The following SUGCT variants were observed in gnomAD, a reference collection of about 807,000 sequenced individuals.
SUGCT encodes succinyl-CoA:glutarate CoA-transferase.
SUGCT carries 41 observed loss-of-function variants against 55.0 expected under a neutral mutation model. The observed-to-expected ratio is 0.74, with a 90% CI of 0.58 to 0.97. SUGCT has a LOEUF of 0.97. SUGCT is among the 50% of genes least tolerant of loss of function. The pLI is 0.00. For missense variants in SUGCT, 568 were observed against 547.8 expected, an observed-to-expected ratio of 1.04 and a Z score of -0.37; for synonymous variants, 187 against 200.4, an observed-to-expected ratio of 0.93 and a Z score of 0.56.
At chr7:40,588,156 C>T (rs945717963) in intron 12 of SUGCT, among the ~76,000 whole-genome samples, 6 of 152,044 alleles carry the variant, frequency 3.9e-5, no homozygotes, top group African/African-American at 1.4e-4. Context: ...CCCGCCTCGG[C>T]CTCCCAAAGT....
intron 9 of SUGCT, among the ~76,000 whole-genome samples, chr7:40,385,863 T>C (rs1448322852): frequency 1.3e-5 from 2 of 152,242 alleles, no homozygotes; most frequent in Non-Finnish European, 2.9e-5. Flanking sequence ...TGTGTCACTT[T>C]ATATAGCATT....
chr7:40,468,081 C>T (rs991487212), intron 11 of SUGCT, among the ~76,000 whole-genome samples: 1 of 151,324 alleles, frequency 6.6e-6, no homozygotes, highest in African/African-American at 2.4e-5. Flanking sequence ...GAACACTCCA[C>T]TTGAGTTATT....
chr7:40,675,634 GA>G (rs1221304493), intron 12 of SUGCT, among the ~76,000 whole-genome samples: 1 of 152,140 alleles, frequency 6.6e-6, no homozygotes, highest in African/African-American at 2.4e-5. Context: ...GGAGGTATGG[GA>G]GTTGGGCAAA....
intron 7 of SUGCT, among the ~76,000 whole-genome samples, chr7:40,262,378 C>T (rs890171930): frequency 6.0e-5 from 9 of 151,006 alleles, no homozygotes; most frequent in African/African-American, 9.7e-5. Context: ...CGGCTGGGCG[C>T]GGTGGCTCAT....
chr7:40,235,142 C>A (rs1788941486), intron 6 of SUGCT, among the ~76,000 whole-genome samples: 1 of 151,666 alleles, frequency 6.6e-6, no homozygotes, highest in African/African-American at 2.4e-5. Flanking sequence ...TAATTATAAT[C>A]TTGAATTATT....
At chr7:40,276,006 C>A (rs1792452337) in intron 8 of SUGCT, among the ~76,000 whole-genome samples, 1 of 152,152 alleles carries the variant, frequency 6.6e-6, no homozygotes. Flanking sequence ...TTGGGAATTT[C>A]AGATTTAAAA....
chr7:40,544,803 G>T, intron 12 of SUGCT, among the ~76,000 whole-genome samples: 1 of 152,184 alleles, frequency 6.6e-6, no homozygotes, highest in East Asian at 1.9e-4. Context: ...GCTGCAGAGT[G>T]CTCAGACAAA....
intron 6 of SUGCT, among the ~76,000 whole-genome samples, chr7:40,202,243 G>A (rs376755968): frequency 2.8e-4 from 42 of 152,198 alleles, no homozygotes; most frequent in African/African-American, 9.2e-4. Context: ...AAAGTGTTGG[G>A]ATTATAGACG....
chr7:40,574,069 T>C (rs1796591744), intron 12 of SUGCT, among the ~76,000 whole-genome samples: 1 of 152,132 alleles, frequency 6.6e-6, no homozygotes, highest in South Asian at 2.1e-4. Flanking sequence ...CCCTGCCCCC[T>C]ACCCCACTAC....
At chr7:40,395,548 C>T (rs1387602009) in intron 9 of SUGCT, among the ~76,000 whole-genome samples, 1 of 148,852 alleles carries the variant, frequency 6.7e-6, no homozygotes, top group East Asian at 2.0e-4. Context: ...CTCACCTCTG[C>T]TGTACTGAGT....
At chr7:40,266,476 G>A (rs1300309750) in intron 7 of SUGCT, among the ~76,000 whole-genome samples, 1 of 151,896 alleles carries the variant, frequency 6.6e-6, no homozygotes, top group African/African-American at 2.4e-5. Context: ...TATCAAAAAA[G>A]TTGCACAAGT....
intron 12 of SUGCT, among the ~76,000 whole-genome samples, chr7:40,737,074 T>A (rs968195310): frequency 6.6e-6 from 1 of 152,196 alleles, no homozygotes; most frequent in African/African-American, 2.4e-5. Context: ...TCAAACTATG[T>A]ACTGAGGCAC....
intron 8 of SUGCT, among the ~76,000 whole-genome samples, chr7:40,275,304 T>C (rs1322876160): frequency 6.6e-6 from 1 of 152,220 alleles, no homozygotes; most frequent in Non-Finnish European, 1.5e-5. Flanking sequence ...ACGAACCCCT[T>C]TGGTAGTCTG....
intron 8 of SUGCT, among the ~76,000 whole-genome samples, chr7:40,311,669 T>C (rs79116840): frequency 0.017 from 2,523 of 152,310 alleles, 59 homozygotes; most frequent in African/African-American, 0.058. Context: ...CCATCTTCTT[T>C]CCCCATGGCA....
intron 12 of SUGCT, among the ~76,000 whole-genome samples, chr7:40,742,857 T>C (rs1787537740): frequency 6.6e-6 from 1 of 152,238 alleles, no homozygotes; most frequent in South Asian, 2.1e-4. Context: ...ATTCCAAGGT[T>C]GTTTTCCTAT....
chr7:40,714,433 C>T (rs1785903143), intron 12 of SUGCT, among the ~76,000 whole-genome samples: 1 of 152,188 alleles, frequency 6.6e-6, no homozygotes, highest in African/African-American at 2.4e-5. Context: ...TTGTCATATA[C>T]TTATTTAAGT....
At chr7:40,732,852 G>A (rs1332078032) in intron 12 of SUGCT, among the ~76,000 whole-genome samples, 1 of 152,134 alleles carries the variant, frequency 6.6e-6, no homozygotes, top group Non-Finnish European at 1.5e-5. Context: ...CGCTTTGGGA[G>A]GCCAAGATGG....
chr7:40,635,990 G>A (rs1017051424), intron 12 of SUGCT, among the ~76,000 whole-genome samples: 4 of 152,168 alleles, frequency 2.6e-5, no homozygotes, highest in African/African-American at 9.7e-5. Flanking sequence ...TATGGGATAC[G>A]TGGAGCACAG....
intron 12 of SUGCT, among the ~76,000 whole-genome samples, chr7:40,749,054 A>G (rs1344362199): frequency 1.3e-5 from 2 of 152,108 alleles, no homozygotes; most frequent in Non-Finnish European, 2.9e-5. Context: ...TTGAGGTCCT[A>G]TTTCTTGACC....
Sources: allele counts gnomAD v4.1 joint callset (sites outside exome capture counted in the v4.1 genomes callset), GRCh38; gene constraint gnomAD v4.1.1; transcripts MANE v1.5; gene names NCBI Gene and HGNC (gene_info 2026-07-23, HGNC 2026-07-21).